CEP170: variants seen among roughly 807,000 people sequenced by gnomAD.
CEP170 encodes centrosomal protein 170.
In CEP170, 21 loss-of-function variants were observed where a neutral mutation model predicts 151.9. The observed-to-expected ratio is 0.14, with a 90% CI of 0.10 to 0.20. CEP170 has a LOEUF of 0.20. CEP170 is among the 10% of genes least tolerant of loss of function. The pLI, the probability that CEP170 is intolerant of heterozygous loss-of-function variation, is 1.00. For synonymous variants in CEP170, 356 were observed against 648.8 expected (o/e 0.55, Z 6.86); for missense variants, 964 against 1,892.9 (o/e 0.51, Z 9.11).
intron 1 of CEP170, chr1:243,253,274 G>C (rs2066112969): frequency 6.6e-6 from 1 of 152,146 alleles, no homozygotes; most frequent in South Asian, 2.1e-4. Flanking sequence ...ATTAATCACG[G>C]TGAGAATCAA....
intron 1 of CEP170, among the ~76,000 whole-genome samples, chr1:243,239,887 G>T (rs1245553312): frequency 6.6e-6 from 1 of 152,182 alleles, no homozygotes; most frequent in Non-Finnish European, 1.5e-5. Flanking sequence ...ATGGATGCCT[G>T]AAACTTTAGT....
At chr1:243,202,291 T>A (rs1458210026) in intron 4 of CEP170, among the ~76,000 whole-genome samples, 1 of 152,122 alleles carries the variant, frequency 6.6e-6, no homozygotes, top group East Asian at 1.9e-4. Context: ...GAACACTGGA[T>A]AATCAGAAGT....
intron 1 of CEP170, among the ~76,000 whole-genome samples, chr1:243,228,720 AAC>A (rs2063491079): frequency 6.6e-6 from 1 of 152,228 alleles, no homozygotes; most frequent in African/African-American, 2.4e-5. Flanking sequence ...GGATAACAGA[AAC>A]AGTTTCTTAA....
At chr1:243,242,431 G>A (rs2064943406) in intron 1 of CEP170, among the ~76,000 whole-genome samples, 1 of 151,554 alleles carries the variant, frequency 6.6e-6, no homozygotes, top group Admixed American at 6.6e-5. Context: ...TGTTAGCCAG[G>A]ATGGTCTCGA....
rs75731336 is a variant in CEP170, at chr1:243,227,820, C to T, written c.-41-2499G>A. Among the ~76,000 whole-genome samples the T allele has an allele frequency of 8.5e-5, 13 of 152,182 alleles. No individual in the cohort carries two copies. In the East Asian group the frequency reaches 1.4e-3, roughly 16 times the overall value. ...CCCTGTGGACCCTTGTAAGGTTTAC[C>T]GAAGGCCTTTGGACTGAGAGCTTTG... is the stretch of plus-strand genomic sequence containing the variant. On this transcript the variant is annotated intron_variant, in intron 1 of 19. Transcript: ENST00000366542.
At chr1:243,231,406 C>G (rs2063751089) in intron 1 of CEP170, among the ~76,000 whole-genome samples, 1 of 151,804 alleles carries the variant, frequency 6.6e-6, no homozygotes. Flanking sequence ...ATCTATAAAG[C>G]TAAATATAAA....
At chr1:243,198,951 A>C (rs948375005) in intron 7 of CEP170, 109 bp downstream of exon 7, 4 of 771,010 alleles carry the variant, frequency 5.2e-6, no homozygotes, top group Middle Eastern at 2.7e-4. Flanking sequence ...TAAAAAATCA[A>C]AGTATAGAAT....
At chr1:243,169,434 C>T (rs2058673309) in intron 12 of CEP170, 194 bp downstream of exon 12, 2 of 1,034,022 alleles carry the variant, frequency 1.9e-6, no homozygotes, top group Admixed American at 3.0e-5. Flanking sequence ...AAAATGAATT[C>T]ATTTATCAGC....
At chr1:243,236,477 T>C (rs1052960368) in intron 1 of CEP170, among the ~76,000 whole-genome samples, 1 of 152,196 alleles carries the variant, frequency 6.6e-6, no homozygotes, top group Non-Finnish European at 1.5e-5. Context: ...CTCAGCCTCC[T>C]GTTTGGCCAC....
At position 243,228,315 on chromosome 1, in the gene CEP170, C is replaced by G. The variant is rs1414830376; in HGVS notation, c.-41-2994G>C. ...GTAAAGCTACAACAATCAACTCGTA[C>G]TCCCTCCTCAGCTTATTTGATATAG... On this transcript the variant is annotated intron_variant, in intron 1 of 19. Transcript: ENST00000366542. Among the ~76,000 whole-genome samples the G allele has an allele frequency of 3.9e-5, 6 of 152,302 alleles. No homozygotes were observed. In the East Asian group the frequency reaches 1.2e-3, roughly 29 times the overall value.
At position 243,217,887 on chromosome 1, in the gene CEP170, G is replaced by A. The variant is rs576092676; in HGVS notation, c.195+3837C>T. 6.6e-5 allele frequency among the ~76,000 whole-genome samples: 10 copies of A among 152,272 alleles called. No homozygotes were observed. The Middle Eastern group carries it at 0.01, about 155-fold the overall frequency. On this transcript the variant is annotated intron_variant, in intron 3 of 19. Transcript: ENST00000366542. ...TCCAGAAGTGGCAATGTTGGGATTC[G>A]AAATCAGGTCTCTGAACTACAAATC... is the stretch of plus-strand genomic sequence containing the variant.
At chr1:243,233,557 C>A (rs1280906057) in intron 1 of CEP170, among the ~76,000 whole-genome samples, 5 of 151,642 alleles carry the variant, frequency 3.3e-5, no homozygotes, top group Admixed American at 6.6e-5. Flanking sequence ...CATGGTGAAA[C>A]CCTGTCTCTA....
intron 19 of CEP170, among the ~76,000 whole-genome samples, chr1:243,127,951 T>C (rs1291086487): frequency 1.3e-5 from 2 of 152,216 alleles, no homozygotes; most frequent in Admixed American, 1.3e-4. Flanking sequence ...ATTATATATT[T>C]TTCACATATT....
At chr1:243,142,616 A>T (rs2055980587) in intron 14 of CEP170, among the ~76,000 whole-genome samples, 153 bp from the exon 15 acceptor site, 1 of 152,192 alleles carries the variant, frequency 6.6e-6, no homozygotes, top group Admixed American at 6.5e-5. Flanking sequence ...TCAGTCTTAA[A>T]CCTTAATTCC....
At chr1:243,194,816 A>C (rs2060534573) in intron 7 of CEP170, among the ~76,000 whole-genome samples, 1 of 151,892 alleles carries the variant, frequency 6.6e-6, no homozygotes, top group African/African-American at 2.4e-5. Flanking sequence ...TGTTTAGACT[A>C]ATATTATATT....
Position 243,185,149 on chromosome 1 carries a change from A to G in CEP170, c.1566+630T>C, listed in dbSNP as rs1004238228. ...TTAAACCATGCAACAATCCTTACAC[A>G]CGCTAACCAATAATATCAAAGAATA... On this transcript the variant is annotated intron_variant, in intron 10 of 19. Transcript: ENST00000366542. The surrounding 1 kb of genome is among the most constrained non-coding windows in gnomAD (Gnocchi z 4.9). Among the ~76,000 whole-genome samples, 2 of 152,168 alleles carry G rather than the reference A, an allele frequency of 1.3e-5. No individual in the cohort carries two copies. Among genetic ancestry groups the G allele is most frequent in the Non-Finnish European group, 2.9e-5 (2 of 68,026 alleles).
At chr1:243,145,947 TA>T (rs553222746) in intron 14 of CEP170, among the ~76,000 whole-genome samples, 7 of 151,920 alleles carry the variant, frequency 4.6e-5, no homozygotes, top group Non-Finnish European at 7.4e-5. Context: ...AAGAGTTTAG[TA>T]AGCAAAAAAA....
chr1:243,183,675 T>G (rs1166990795), intron 10 of CEP170, among the ~76,000 whole-genome samples: 2 of 152,140 alleles, frequency 1.3e-5, no homozygotes, highest in Non-Finnish European at 2.9e-5. Context: ...GTGAGCTTTG[T>G]TCTTCCCAGC....
chr1:243,181,313 T>A (rs1157298833), intron 10 of CEP170, among the ~76,000 whole-genome samples: 2 of 152,134 alleles, frequency 1.3e-5, no homozygotes, highest in Non-Finnish European at 2.9e-5. Flanking sequence ...AGCACTTTCT[T>A]ATAGTGTATT....
Sources: gnomAD v4.1 joint callset for allele counts (sites outside exome capture counted in the v4.1 genomes callset) on GRCh38, gnomAD v4.1.1 for gene constraint, Gnocchi (gnomAD v3.1) non-coding constraint, MANE v1.5 for transcripts, NCBI Gene and HGNC (gene_info 2026-07-23, HGNC 2026-07-21) for gene names.